The following DNAH3 variants were observed in gnomAD, a reference collection of about 807,000 sequenced individuals.
The protein encoded by DNAH3 is dynein axonemal heavy chain 3, also known as axonemal beta dynein heavy chain 3.
DNAH3 carries 332 observed loss-of-function variants against 432.5 expected under a neutral mutation model. The observed-to-expected ratio is 0.77, with a 90% CI of 0.70 to 0.84. DNAH3 has a LOEUF of 0.84. DNAH3 is among the 40% of genes least tolerant of loss of function. The probability of loss-of-function intolerance (pLI) is 0.00; values close to 1 mark genes in which losing one functional copy is unlikely to be tolerated. For synonymous variants in DNAH3, 1,956 were observed against 1,900.2 expected (o/e 1.03, Z -0.76); for missense variants, 4,861 against 5,114.0 (o/e 0.95, Z 1.51).
intron 43 of DNAH3, among the ~76,000 whole-genome samples, chr16:20,997,796 C>G (rs905499601): frequency 7.0e-6 from 1 of 141,888 alleles, no homozygotes; most frequent in African/African-American, 2.7e-5. Context: ...CTCAGGAGTT[C>G]GAGACCAGCC....
At chr16:21,085,527 CAAAAAAA>C (rs34136946) in intron 19 of DNAH3, among the ~76,000 whole-genome samples, 4 of 81,324 alleles carry the variant, frequency 4.9e-5, no homozygotes, top group African/African-American at 1.9e-4. Context: ...GATTCCACCT[CAAAAAAA>C]AAAAAAAAAA....
chr16:21,110,419 T>C (rs1274788221), intron 14 of DNAH3, among the ~76,000 whole-genome samples: 2 of 152,178 alleles, frequency 1.3e-5, no homozygotes, highest in African/African-American at 4.8e-5. Context: ...TTGCCTCCTC[T>C]GGATAGGAAT....
intron 12 of DNAH3, among the ~76,000 whole-genome samples, chr16:21,114,434 G>A (rs1369906305): frequency 6.6e-6 from 1 of 152,298 alleles, no homozygotes; most frequent in East Asian, 1.9e-4. Context: ...AAAGATGATA[G>A]TGAGTAAGCA....
At chr16:20,959,638 CA>C (rs2084728139) in intron 53 of DNAH3, among the ~76,000 whole-genome samples, 1 of 151,440 alleles carries the variant, frequency 6.6e-6, no homozygotes, top group Non-Finnish European at 1.5e-5. Context: ...CACACACACA[CA>C]CACACACACA....
At position 21,098,622 on chromosome 16, in the gene DNAH3, C is replaced by T. The variant is rs771985860; in HGVS notation, c.2514G>A (p.Glu838=). ...CCATCTCAAGATCCCAAACCTCAAA[C>T]TCTGCAAACGCCCGATTTAGGTTCT... The change falls in exon 17 of 62, where the codon GAG becomes GAA. Residue 838 remains glutamate (E), a synonymous_variant. Transcript: ENST00000261383. 3.7e-6 allele frequency: 6 copies of T among 1,611,588 alleles called. No individual in the cohort carries two copies. The South Asian group carries it at 6.6e-5, about 18-fold the overall frequency.
At chr16:21,153,958 A>G (rs7184238) in intron 1 of DNAH3, among the ~76,000 whole-genome samples, 66,647 of 151,984 alleles carry the variant, frequency 0.44, 14,902 homozygotes, top group East Asian at 0.68. Context: ...CAAAGTATAC[A>G]TACGGTTTCA....
chr16:21,140,521 G>T lies in DNAH3; in HGVS notation c.696+15C>A. On this transcript the variant is annotated intron_variant, in intron 5 of 61. Coordinates refer to ENST00000261383, the Ensembl canonical transcript of DNAH3. The stretch of plus-strand genomic sequence containing the variant: ...CCCTCAGCAAACCGAGGGAAAGGGG[G>T]CAACAGGAACGTACCTCCAGGTCCG... 1 of 1,610,482 alleles carries T rather than the reference G, an allele frequency of 6.2e-7. No homozygotes were observed. Among genetic ancestry groups the T allele is most frequent in the South Asian group, 1.1e-5 (1 of 90,798 alleles).
At chr16:20,965,265 G>A in exon 53 of DNAH3, 1 of 1,613,658 alleles carries the variant, frequency 6.2e-7, no homozygotes, top group Non-Finnish European at 8.5e-7. Flanking sequence ...CATTTTTAAT[G>A]ACAGCTGGCT....
At chr16:21,062,842 G>T in intron 24 of DNAH3, 159 bp from the exon 25 acceptor site, 4 of 619,996 alleles carry the variant, frequency 6.5e-6, no homozygotes, top group Non-Finnish European at 1.1e-5. Flanking sequence ...TTCATCTGGG[G>T]CATGGAAGGT....
chr16:21,134,100 G>A, intron 7 of DNAH3, 159 bp downstream of exon 8: 1 of 666,282 alleles, frequency 1.5e-6, no homozygotes, highest in Non-Finnish European at 2.5e-6. Context: ...GCAAGGAAAG[G>A]TGTCACTTAT....
In DNAH3 at chr16:21,127,665, CACTT is replaced by C; in HGVS notation, c.1208+18_1208+21del. The C allele has an allele frequency of 6.2e-7, 1 of 1,613,528 alleles. No individual in the cohort carries two copies. Among genetic ancestry groups the C allele is most frequent in the Non-Finnish European group, 8.5e-7 (1 of 1,179,750 alleles). Reference sequence around the variant, plus strand: ...TCTTTAAGATACCATGGTGCAGCCCCACTTGGAGGGCAGATACTGACTTGTTGAG... The same window carrying C: ...TCTTTAAGATACCATGGTGCAGCCCCGGAGGGCAGATACTGACTTGTTGAG... On this transcript the variant is annotated intron_variant, in intron 8 of 61. Transcript: ENST00000261383.
chr16:21,097,756 T>C (rs1421179659), intron 17 of DNAH3, among the ~76,000 whole-genome samples: 1 of 152,238 alleles, frequency 6.6e-6, no homozygotes, highest in Non-Finnish European at 1.5e-5. Flanking sequence ...CTGTTTCCAC[T>C]CTATGACAGC....
chr16:20,997,049 ACTCT>A, intron 44 of DNAH3: 1 of 462,234 alleles, frequency 2.2e-6, no homozygotes, highest in East Asian at 3.5e-5. Flanking sequence ...TTCCTATGAG[ACTCT>A]CTGTTTCTCT....
intron 3 of DNAH3, among the ~76,000 whole-genome samples, chr16:21,142,737 T>G (rs1240452900): frequency 1.3e-5 from 2 of 150,010 alleles, no homozygotes; most frequent in African/African-American, 4.9e-5. Flanking sequence ...CACTGCAACC[T>G]CAACCACCCA....
chr16:21,040,861 C>A (rs2089412129), intron 32 of DNAH3, among the ~76,000 whole-genome samples: 1 of 152,114 alleles, frequency 6.6e-6, no homozygotes, highest in Non-Finnish European at 1.5e-5. Flanking sequence ...TCAGTATGCA[C>A]CAGCTATTGC....
At position 21,071,765 on chromosome 16, in the gene DNAH3, T is replaced by C. The variant is rs544628087; in HGVS notation, c.3085-939A>G. On this transcript the variant is annotated intron_variant, in intron 21 of 61. Coordinates refer to ENST00000261383, the Ensembl canonical transcript of DNAH3. Reference sequence around the variant, plus strand: ...AAAGACATTTATTGTCCACCTCCTTTGCAGAAGTCAAATACAGTCTAATCC... The same window carrying C: ...AAAGACATTTATTGTCCACCTCCTTCGCAGAAGTCAAATACAGTCTAATCC... 1.4e-4 allele frequency among the ~76,000 whole-genome samples: 21 copies of C among 152,202 alleles called. No individual in the cohort carries two copies. The South Asian group carries it at 4.2e-3, about 30-fold the overall frequency.
intron 1 of DNAH3, among the ~76,000 whole-genome samples, chr16:21,156,199 T>G (rs200704909): frequency 2.5e-5 from 2 of 81,386 alleles, no homozygotes; most frequent in Non-Finnish European, 5.6e-5. Flanking sequence ...TATTTTATTT[T>G]ATTTATTTTA....
At chr16:21,074,980 T>C (rs1454366179) in intron 21 of DNAH3, among the ~76,000 whole-genome samples, 3 of 152,212 alleles carry the variant, frequency 2.0e-5, no homozygotes, top group Non-Finnish European at 4.4e-5. Context: ...ATCAATATTA[T>C]CTGGGAGCTT....
Position 21,000,448 on chromosome 16 carries a change from T to C in DNAH3, c.6197A>G (p.His2066Arg). Residue 2066 changes from histidine to arginine, a missense_variant, in exon 43 of 62, where the codon CAT becomes CGT. Coordinates refer to ENST00000261383, the Ensembl canonical transcript of DNAH3. ...ACCCACGAACAGCATTGGAATCTCA[T>C]GGTCTAAGTAGGTTTTCAAGAAGAA... 6.2e-7 allele frequency: 1 copy of C among 1,614,026 alleles called. No individual in the cohort carries two copies. Among genetic ancestry groups the C allele is most frequent in the Non-Finnish European group, 8.5e-7 (1 of 1,179,990 alleles).
Sources: gnomAD v4.1 joint callset for allele counts (sites outside exome capture counted in the v4.1 genomes callset) on GRCh38, gnomAD v4.1.1 for gene constraint, MANE v1.5 for transcripts, NCBI Gene and HGNC (gene_info 2026-07-23, HGNC 2026-07-21) for gene names.